Variants in TMTC1 observed in about 807,000 individuals in gnomAD.
The protein encoded by TMTC1 is transmembrane O-mannosyltransferase targeting cadherins 1.
A neutral mutation model predicts 104.8 loss-of-function variants in TMTC1; 73 were observed. The ratio of observed to expected loss-of-function variants is 0.70; its 90% confidence interval spans 0.58 to 0.85. The LOEUF is 0.85. Ranked by LOEUF, TMTC1 falls within the 40% of genes least tolerant of loss-of-function variation. The pLI is 0.00. For synonymous variants in TMTC1, 434 were observed against 428.7 expected, an observed-to-expected ratio of 1.01 and a Z score of -0.15; for missense variants, 1,035 against 1,096.1, an observed-to-expected ratio of 0.94 and a Z score of 0.79.
At chr12:29,584,694 G>T (rs998291714) in intron 7 of TMTC1, among the ~76,000 whole-genome samples, 10 of 151,794 alleles carry the variant, frequency 6.6e-5, no homozygotes, top group East Asian at 1.9e-4. Context: ...GCGGTGTTTG[G>T]TTTTTTGTCC....
chr12:29,572,544 C>T (rs1283408354), intron 8 of TMTC1, among the ~76,000 whole-genome samples: 1 of 152,162 alleles, frequency 6.6e-6, no homozygotes, highest in African/African-American at 2.4e-5. Flanking sequence ...GGCTCTGTCG[C>T]TCTTCCTGAG....
intron 11 of TMTC1, among the ~76,000 whole-genome samples, chr12:29,525,392 G>A (rs1339416243): frequency 6.6e-6 from 1 of 151,716 alleles, no homozygotes; most frequent in South Asian, 2.1e-4. Context: ...CACCATGTTG[G>A]CCAGGCTGGT....
chr12:29,660,011 A>C (rs1939941033), intron 5 of TMTC1: 1 of 1,496,084 alleles, frequency 6.7e-7, no homozygotes, highest in Non-Finnish European at 9.0e-7. Context: ...ATTCAGTGAG[A>C]TTGCCACCAA....
intron 6 of TMTC1, among the ~76,000 whole-genome samples, chr12:29,624,470 A>G (rs537887471): frequency 6.6e-6 from 1 of 152,212 alleles, no homozygotes; most frequent in African/African-American, 2.4e-5. Context: ...TATCGCACAC[A>G]CTCGCTCCTT....
chr12:29,762,426 T>A (rs1396237908), intron 2 of TMTC1, among the ~76,000 whole-genome samples: 2 of 152,250 alleles, frequency 1.3e-5, no homozygotes, highest in Non-Finnish European at 1.5e-5. Flanking sequence ...AACACTGAGA[T>A]AGGTTTTCCT....
intron 10 of TMTC1, among the ~76,000 whole-genome samples, chr12:29,538,673 AAT>A (rs1944711645): frequency 1.3e-5 from 2 of 152,124 alleles, no homozygotes; most frequent in African/African-American, 4.8e-5. Flanking sequence ...TATGAACCTA[AAT>A]GCTTGAGTTT....
chr12:29,653,942 T>C (rs1411072699), intron 5 of TMTC1, among the ~76,000 whole-genome samples: 1 of 152,206 alleles, frequency 6.6e-6, no homozygotes, highest in Admixed American at 6.5e-5. Context: ...ATAATCTTCA[T>C]ACAAATACAC....
rs1178333857 is a variant in TMTC1 at position 29,506,661 on chromosome 12, T to G, written c.*185A>C. The G allele has an allele frequency of 3.1e-6, 2 of 651,726 alleles. No homozygotes were observed. The highest frequency in any genetic ancestry group is 3.6e-5 in the African/African-American group (2 of 55,002). 40.4% of individuals were successfully genotyped at this position (651,726 alleles called of 1,614,324 possible). A position where few individuals can be genotyped will look rare whatever the true frequency, so the allele number is the denominator to read the frequency against. On this transcript the variant is annotated 3_prime_UTR_variant, in exon 18 of 18. Coordinates refer to ENST00000539277, the MANE Select transcript of TMTC1 (RefSeq NM_001193451.2). The stretch of plus-strand genomic sequence containing the variant: ...CTTGCCCTTGTTTGCTGTTTTCGTC[T>G]TCTTCATGGAAAAGCAAGTCCTTCA...
rs530495062 is a variant in TMTC1 at position 29,613,876 on chromosome 12, T to A, written c.1129-9577A>T. 22 of 868,062 alleles carry A rather than the reference T, an allele frequency of 2.5e-5. No homozygotes were observed. In the African/African-American group the frequency reaches 4.0e-4, roughly 16 times the overall value. The allele number at this position is 868,062 out of a possible 1,614,324, so 53.8% of individuals were successfully genotyped here. On this transcript the variant is annotated intron_variant, in intron 6 of 17. Transcript: ENST00000539277. Reference sequence around the variant, plus strand: ...CTTTTCTGTTAAGAAAGTGACAAAATGTTTTACTTTTTCACAAAGCAAGTC... The same window carrying A: ...CTTTTCTGTTAAGAAAGTGACAAAAAGTTTTACTTTTTCACAAAGCAAGTC...
At chr12:29,517,365 C>G in intron 14 of TMTC1, 62 bp downstream of exon 14, 1 of 1,596,030 alleles carries the variant, frequency 6.3e-7, no homozygotes, top group South Asian at 1.1e-5. Flanking sequence ...GTGAGGACTA[C>G]AGCTCTCTCT....
chr12:29,589,160 C>T (rs532336008), intron 7 of TMTC1, among the ~76,000 whole-genome samples: 2 of 152,290 alleles, frequency 1.3e-5, no homozygotes, highest in South Asian at 2.1e-4. Flanking sequence ...CTATCTGCTC[C>T]TTTTCTCTGG....
intron 5 of TMTC1, among the ~76,000 whole-genome samples, chr12:29,700,857 T>C (rs371000384): frequency 2.8e-4 from 42 of 152,280 alleles, no homozygotes; most frequent in African/African-American, 9.9e-4. Flanking sequence ...TAATCAGCAC[T>C]CTGTAAAGGC....
chr12:29,773,697 T>A (rs1448728651), intron 1 of TMTC1, among the ~76,000 whole-genome samples: 2 of 152,130 alleles, frequency 1.3e-5, no homozygotes, highest in African/African-American at 4.8e-5. Flanking sequence ...CTAGGGACAA[T>A]ATGATTAATA....
At chr12:29,621,106 A>G (rs1863224) in intron 6 of TMTC1, among the ~76,000 whole-genome samples, 72,169 of 152,102 alleles carry the variant, frequency 0.47, 18,086 homozygotes, top group African/African-American at 0.64. Flanking sequence ...GCTGTTTGCA[A>G]AGAATGGGAA....
chr12:29,660,675 A>G, intron 5 of TMTC1: 1 of 289,646 alleles, frequency 3.5e-6, no homozygotes, highest in Non-Finnish European at 6.0e-6. Flanking sequence ...TTTGATCCCA[A>G]TGTCATGATG....
chr12:29,696,610 G>A (rs1489929628), intron 5 of TMTC1, among the ~76,000 whole-genome samples: 1 of 152,142 alleles, frequency 6.6e-6, no homozygotes, highest in Non-Finnish European at 1.5e-5. Context: ...TAAAAAGGAT[G>A]AAAAGTGAAG....
At chr12:29,774,351 T>C (rs888763822) in intron 1 of TMTC1, among the ~76,000 whole-genome samples, 3 of 152,134 alleles carry the variant, frequency 2.0e-5, no homozygotes, top group African/African-American at 7.2e-5. Flanking sequence ...TTTCAAAGCT[T>C]AAGGGAAGGC....
rs766319058 is a variant in TMTC1 at position 29,768,069 on chromosome 12, GTT to G, written c.307_308del (p.Asn103HisfsTer31). ...ATGGGTTCATACCAGTCAAAAATAT[GTT>G]TAGCCTGTAAAACAAAAGAAAAAAG... ...RPLCVLTFKLNIFLTGMNPFY... is the reference protein window; with the variant it reads ...RPLCVLTFKLXIFLTGMNPFY... On this transcript the variant is annotated frameshift_variant, in exon 2 of 18. Transcript: ENST00000539277. LOFTEE classifies it high-confidence loss of function. 1.9e-6 allele frequency: 3 copies of G among 1,578,964 alleles called. No individual in the cohort carries two copies. The Admixed American group carries it at 5.7e-5, about 30-fold the overall frequency.
chr12:29,760,960 T>C (rs1275137939), intron 2 of TMTC1, among the ~76,000 whole-genome samples: 1 of 147,260 alleles, frequency 6.8e-6, no homozygotes, highest in Non-Finnish European at 1.5e-5. Context: ...ATATACTATA[T>C]ATCATATATT....
Sources: allele counts gnomAD v4.1 joint callset (sites outside exome capture counted in the v4.1 genomes callset), GRCh38; gene constraint gnomAD v4.1.1; transcripts MANE v1.5; gene names NCBI Gene and HGNC (gene_info 2026-07-23, HGNC 2026-07-21).